The following DCC variants were observed in gnomAD, a reference collection of about 807,000 sequenced individuals.
The protein encoded by DCC is DCC netrin 1 receptor.
In DCC, 58 loss-of-function variants were observed where a neutral mutation model predicts 172.5. The ratio of observed to expected loss-of-function variants is 0.34; its 90% CI spans 0.27 to 0.42. The LOEUF (loss-of-function observed/expected upper bound fraction) is 0.42. Ranked by LOEUF, DCC falls within the 10% of genes least tolerant of loss-of-function variation. DCC has a pLI of 1.00. For synonymous variants in DCC, 709 were observed against 644.5 expected, an observed-to-expected ratio of 1.10 and a Z score of -1.52; for missense variants, 1,740 against 1,791.0, an observed-to-expected ratio of 0.97 and a Z score of 0.51.
At chr18:52,653,138 A>G (rs1291911605) in intron 1 of DCC, among the ~76,000 whole-genome samples, 1 of 152,190 alleles carries the variant, frequency 6.6e-6, no homozygotes, top group Non-Finnish European at 1.5e-5. Context: ...GATTAGGAAG[A>G]AAATCCCAGA....
intron 15 of DCC, among the ~76,000 whole-genome samples, chr18:53,355,209 G>C (rs1053944688): frequency 6.6e-6 from 1 of 152,160 alleles, no homozygotes; most frequent in Non-Finnish European, 1.5e-5. Context: ...CAGGTAGCAT[G>C]ATGCTTCCAG....
chr18:52,960,935 AT>A (rs1174953560), intron 5 of DCC, among the ~76,000 whole-genome samples: 4 of 152,168 alleles, frequency 2.6e-5, no homozygotes, highest in African/African-American at 9.7e-5. Context: ...CACACGCTGA[AT>A]TTTGATGGCT....
At chr18:53,052,318 G>T (rs2042344563) in intron 5 of DCC, among the ~76,000 whole-genome samples, 1 of 151,790 alleles carries the variant, frequency 6.6e-6, no homozygotes, top group South Asian at 2.1e-4. Context: ...ATTTCTTTGT[G>T]TCTCTACCCT....
chr18:52,830,770 T>A (rs754041174), intron 2 of DCC, among the ~76,000 whole-genome samples: 1 of 152,154 alleles, frequency 6.6e-6, no homozygotes, highest in Non-Finnish European at 1.5e-5. Context: ...TTCATAGACC[T>A]AGGGTAATCC....
At chr18:53,164,483 T>C (rs1394576038) in intron 8 of DCC, among the ~76,000 whole-genome samples, 1 of 152,168 alleles carries the variant, frequency 6.6e-6, no homozygotes, top group Non-Finnish European at 1.5e-5. Flanking sequence ...TTATGAAGTA[T>C]AACACAGTAT....
chr18:53,250,159 A>G (rs2056412555), intron 12 of DCC, among the ~76,000 whole-genome samples: 2 of 151,912 alleles, frequency 1.3e-5, no homozygotes, highest in Admixed American at 6.6e-5. Context: ...ATTTCCCTCA[A>G]GAAGTAGCTT....
At chr18:53,003,581 GAGAA>G (rs1160536107) in intron 5 of DCC, among the ~76,000 whole-genome samples, 3 of 152,106 alleles carry the variant, frequency 2.0e-5, no homozygotes, top group African/African-American at 7.2e-5. Context: ...ATTTTAGAAA[GAGAA>G]AGAAGAGAGT....
intron 27 of DCC, among the ~76,000 whole-genome samples, chr18:53,510,915 T>C (rs1161187835): frequency 1.3e-5 from 2 of 152,226 alleles, no homozygotes; most frequent in African/African-American, 4.8e-5. Flanking sequence ...CTGTTCTGTT[T>C]CACTCAGCTT....
chr18:52,557,285 G>T (rs1444661284), intron 1 of DCC, among the ~76,000 whole-genome samples: 1 of 152,202 alleles, frequency 6.6e-6, no homozygotes, highest in East Asian at 1.9e-4. Flanking sequence ...TAAATGTTGC[G>T]TCCCATTATG....
chr18:52,722,740 T>C (rs1267942407), intron 1 of DCC, among the ~76,000 whole-genome samples: 1 of 152,162 alleles, frequency 6.6e-6, no homozygotes, highest in Non-Finnish European at 1.5e-5. Flanking sequence ...TGCTACACAC[T>C]GAGCAGTGCA....
At chr18:52,426,285 G>T (rs1050666179) in intron 1 of DCC, among the ~76,000 whole-genome samples, 1 of 142,122 alleles carries the variant, frequency 7.0e-6, no homozygotes, top group African/African-American at 2.8e-5. Context: ...AAAGTCAGCT[G>T]TAGTGCCAGA....
intron 5 of DCC, among the ~76,000 whole-genome samples, chr18:52,937,198 G>A (rs2040393157): frequency 6.6e-6 from 1 of 151,982 alleles, no homozygotes; most frequent in African/African-American, 2.4e-5. Flanking sequence ...TGTGCAGGCA[G>A]GTAGAATGCA....
At chr18:53,345,076 G>A (rs530517944) in intron 15 of DCC, among the ~76,000 whole-genome samples, 9 of 151,644 alleles carry the variant, frequency 5.9e-5, no homozygotes, top group South Asian at 4.2e-4. Context: ...AATAAACATA[G>A]CTGTGTCCTA....
chr18:53,006,498 G>T (rs2041648490), intron 5 of DCC, among the ~76,000 whole-genome samples: 1 of 152,170 alleles, frequency 6.6e-6, no homozygotes, highest in African/African-American at 2.4e-5. Context: ...TTTTGTGATA[G>T]AAATATTTCC....
chr18:52,544,101 G>T (rs770416092), intron 1 of DCC, among the ~76,000 whole-genome samples: 1 of 152,186 alleles, frequency 6.6e-6, no homozygotes, highest in African/African-American at 2.4e-5. Flanking sequence ...TGGCCCTGTT[G>T]TTCTGAGGGA....
rs73461178 is a variant in DCC at position 53,400,484 on chromosome 18, A to G, written c.2828-2302A>G. On this transcript the variant is annotated intron_variant, in intron 18 of 28. Transcript: ENST00000442544. ...TTAATCCAAAGAGAATGGGTAGACAATGAAGAATTTCTAGAAATCATTCCA... is the reference window on the plus strand; with the variant it reads ...TTAATCCAAAGAGAATGGGTAGACAGTGAAGAATTTCTAGAAATCATTCCA... Among the ~76,000 whole-genome samples the G allele has an allele frequency of 1.8e-3, 279 of 152,276 alleles. 2 individuals are homozygous for G. Among genetic ancestry groups the G allele is most frequent in the African/African-American group, 6.3e-3 (261 of 41,578 alleles).
chr18:52,845,596 G>A (rs2038873649), intron 2 of DCC, among the ~76,000 whole-genome samples: 1 of 152,150 alleles, frequency 6.6e-6, no homozygotes, highest in Non-Finnish European at 1.5e-5. Context: ...ACAGTGGGAG[G>A]CCTCAGGGAT....
intron 2 of DCC, among the ~76,000 whole-genome samples, chr18:52,753,361 T>C (rs1231212643): frequency 1.3e-5 from 2 of 152,234 alleles, no homozygotes; most frequent in Non-Finnish European, 2.9e-5. Flanking sequence ...CTCAACTGGC[T>C]GCGTAAAGTT....
intron 1 of DCC, among the ~76,000 whole-genome samples, chr18:52,656,369 A>C (rs1338710434): frequency 6.6e-6 from 1 of 152,068 alleles, no homozygotes; most frequent in African/African-American, 2.4e-5. Context: ...TATGAACTGG[A>C]AAATGGGCCC....
Sources: gnomAD v4.1 joint callset for allele counts (sites outside exome capture counted in the v4.1 genomes callset) on GRCh38, gnomAD v4.1.1 for gene constraint, MANE v1.5 for transcripts, NCBI Gene and HGNC (gene_info 2026-07-23, HGNC 2026-07-21) for gene names.